CRTC3: variants seen among roughly 807,000 people sequenced by gnomAD.
CRTC3 encodes the protein CREB-regulated transcription coactivator 3.
In CRTC3, 26 loss-of-function variants were observed where a neutral mutation model predicts 74.5. That is an observed-to-expected ratio of 0.35 (90% confidence interval 0.26 to 0.48). The LOEUF is 0.48. CRTC3 is among the 20% of genes least tolerant of loss of function. The probability of loss-of-function intolerance (pLI) is 0.99; values close to 1 mark genes in which losing one functional copy is unlikely to be tolerated. For synonymous variants in CRTC3, 377 were observed against 325.8 expected, an observed-to-expected ratio of 1.16 and a Z score of -1.69; for missense variants, 760 against 787.3, an observed-to-expected ratio of 0.97 and a Z score of 0.41.
chr15:90,627,850 A>AAG (rs1968894046), intron 10 of CRTC3, among the ~76,000 whole-genome samples: 1 of 69,652 alleles, frequency 1.4e-5, no homozygotes, highest in Non-Finnish European at 3.9e-5. Flanking sequence ...TCCTGACCTC[A>AAG]TGATCCACCC....
At chr15:90,591,893 C>T (rs1280744350) in intron 2 of CRTC3, among the ~76,000 whole-genome samples, 1 of 152,218 alleles carries the variant, frequency 6.6e-6, no homozygotes, top group Non-Finnish European at 1.5e-5. Flanking sequence ...ATATTATTCT[C>T]TAGAATAGAG....
chr15:90,624,730 A>C (rs1326143015), intron 9 of CRTC3, among the ~76,000 whole-genome samples: 1 of 152,076 alleles, frequency 6.6e-6, no homozygotes, highest in East Asian at 1.9e-4. Flanking sequence ...TCTCCTGCCC[A>C]TCTGTGAATT....
At chr15:90,640,399 G>T (rs1459369503) in intron 13 of CRTC3, among the ~76,000 whole-genome samples, 7 of 152,046 alleles carry the variant, frequency 4.6e-5, no homozygotes, top group African/African-American at 1.7e-4. Flanking sequence ...AGAAACCAGG[G>T]AAGAGGCCAG....
At chr15:90,610,764 C>T (rs1392264429) in intron 6 of CRTC3, among the ~76,000 whole-genome samples, 2 of 152,192 alleles carry the variant, frequency 1.3e-5, no homozygotes, top group African/African-American at 4.8e-5. Flanking sequence ...GTCCCATAGC[C>T]TAGGACTGTC....
At chr15:90,551,709 T>C (rs1596077561) in intron 2 of CRTC3, among the ~76,000 whole-genome samples, 1 of 134,536 alleles carries the variant, frequency 7.4e-6, no homozygotes, top group South Asian at 2.4e-4. Context: ...TTCTATGCCT[T>C]GGTTGAAGTG....
intron 11 of CRTC3, among the ~76,000 whole-genome samples, chr15:90,636,186 A>G (rs1012775352): frequency 1.3e-5 from 2 of 151,370 alleles, no homozygotes; most frequent in African/African-American, 4.8e-5. Flanking sequence ...CCAAAACAGC[A>G]TGGTACTGGT....
intron 2 of CRTC3, among the ~76,000 whole-genome samples, chr15:90,575,732 T>C (rs1451204900): frequency 1.3e-5 from 2 of 152,230 alleles, no homozygotes; most frequent in Non-Finnish European, 2.9e-5. Context: ...TCATATTATA[T>C]TTTAGAAACC....
chr15:90,568,103 G>A (rs1301432399), intron 2 of CRTC3, among the ~76,000 whole-genome samples: 1 of 152,206 alleles, frequency 6.6e-6, no homozygotes, highest in Non-Finnish European at 1.5e-5. Flanking sequence ...AGTGGAAGAA[G>A]TAACTGCAGA....
chr15:90,617,005 C>T (rs559452696), intron 7 of CRTC3, among the ~76,000 whole-genome samples: 24 of 152,240 alleles, frequency 1.6e-4, no homozygotes, highest in African/African-American at 5.5e-4. Flanking sequence ...CCTCTTCTTC[C>T]ATTCTCTCCT....
chr15:90,617,032 G>GC (rs1968511142), intron 7 of CRTC3, among the ~76,000 whole-genome samples: 1 of 152,038 alleles, frequency 6.6e-6, no homozygotes, highest in African/African-American at 2.4e-5. Flanking sequence ...AGCCTGCAGA[G>GC]CCCCCCTGCC....
rs1303690740 is a variant in CRTC3 at position 90,604,443 on chromosome 15, A to C, written c.472A>C (p.Asn158His). The change falls in exon 5 of 15, where the codon AAC (asparagine) becomes CAC (histidine). Residue 158 changes from asparagine to histidine, a missense_variant. This residue lies in a region of CRTC3 where 652 missense variants were observed against 635.2 expected (regional missense o/e 1.03). Transcript: ENST00000268184. ...TGGGTTCAGGCTGACATCTGCACTT[A>C]ACAGGTACATGGGTTGTTTCCTGGT... ...HPGFRLTSAL[N>H]RTNSDSALHT... The C allele has an allele frequency of 1.9e-6, 3 of 1,612,388 alleles. No homozygotes were observed. Among genetic ancestry groups the C allele is most frequent in the Non-Finnish European group, 2.5e-6 (3 of 1,178,510 alleles).
At chr15:90,633,405 G>T (rs1375016149) in intron 11 of CRTC3, among the ~76,000 whole-genome samples, 3 of 152,082 alleles carry the variant, frequency 2.0e-5, no homozygotes, top group Non-Finnish European at 2.9e-5. Context: ...TTATTATTTG[G>T]CTGAATATAG....
chr15:90,639,213 G>A (rs1596153601), intron 13 of CRTC3, among the ~76,000 whole-genome samples: 1 of 152,212 alleles, frequency 6.6e-6, no homozygotes, highest in South Asian at 2.1e-4. Flanking sequence ...CACCCAGGCT[G>A]GTGCACCCAG....
At chr15:90,566,713 T>C (rs1408644619) in intron 2 of CRTC3, among the ~76,000 whole-genome samples, 1 of 15,794 alleles carries the variant, frequency 6.3e-5, no homozygotes, top group Non-Finnish European at 3.0e-4. Context: ...TCCTCCTTTC[T>C]TTTTTTTTTT....
intron 8 of CRTC3, among the ~76,000 whole-genome samples, chr15:90,618,728 C>T (rs1280782413): frequency 2.0e-5 from 3 of 152,180 alleles, no homozygotes; most frequent in African/African-American, 7.2e-5. Flanking sequence ...ACCAGAGTCA[C>T]CATTAGCATT....
chr15:90,595,702 CT>C (rs1406642769), intron 3 of CRTC3: 1 of 151,942 alleles, frequency 6.6e-6, no homozygotes, highest in Non-Finnish European at 1.5e-5. Context: ...ATCTCAGATA[CT>C]TTTGAAGTAC....
At chr15:90,626,043 C>G in intron 10 of CRTC3, 50 bp downstream of exon 10, 5 of 1,399,844 alleles carry the variant, frequency 3.6e-6, no homozygotes, top group Non-Finnish European at 4.1e-6. Flanking sequence ...CATAGGTGGT[C>G]CCCACCCATG....
intron 9 of CRTC3, among the ~76,000 whole-genome samples, chr15:90,621,516 T>G (rs1968652536): frequency 6.6e-6 from 1 of 151,964 alleles, no homozygotes; most frequent in East Asian, 1.9e-4. Context: ...AAAGATAGGG[T>G]TTCACCATAT....
intron 11 of CRTC3, among the ~76,000 whole-genome samples, chr15:90,635,264 T>A (rs1315375979): frequency 6.6e-6 from 1 of 151,990 alleles, no homozygotes; most frequent in Non-Finnish European, 1.5e-5. Context: ...GCTCTGTGTA[T>A]GTGGGCAGGC....
Sources: gnomAD v4.1 joint callset for allele counts (sites outside exome capture counted in the v4.1 genomes callset) on GRCh38, gnomAD v4.1.1 for gene constraint, gnomAD v4.1.1 regional missense constraint, MANE v1.5 for transcripts, NCBI Gene and HGNC (gene_info 2026-07-23, HGNC 2026-07-21) for gene names.